GPR107: variants seen among roughly 807,000 people sequenced by gnomAD.
GPR107 encodes protein GPR107.
GPR107 carries 31 observed loss-of-function variants against 75.5 expected under a neutral mutation model. The ratio of observed to expected loss-of-function variants is 0.41; its 90% CI spans 0.31 to 0.55. GPR107 has a LOEUF of 0.55. Ranked by LOEUF, GPR107 falls within the 20% of genes least tolerant of loss-of-function variation. GPR107 has a pLI of 0.26. For synonymous variants in GPR107, 267 were observed against 251.3 expected (o/e 1.06, Z -0.59); for missense variants, 572 against 665.7 (o/e 0.86, Z 1.55).
intron 17 of GPR107, among the ~76,000 whole-genome samples, chr9:130,131,368 C>T (rs1831824047): frequency 6.6e-6 from 1 of 152,082 alleles, no homozygotes; most frequent in Non-Finnish European, 1.5e-5. Context: ...CCTACCCCAC[C>T]CTGGGCATCT....
rs771878449 is a variant in GPR107, at chr9:130,092,309, A to G, written c.791A>G (p.Lys264Arg). ...YLSAGEIPLP[K>R]LYISMAFFFF... ...TCAGCAGGAGAAATTCCTCTCCCCA[A>G]ATTATACATCTCAATGGCCTTTTTC... The change falls in exon 9 of 18, where the codon AAA (lysine) becomes AGA (arginine). Residue 264 changes from lysine (K) to arginine (R), a missense_variant. Lys to Arg is a conservative substitution (Grantham distance 26). Transcript: ENST00000347136. The G allele has an allele frequency of 8.1e-6, 13 of 1,608,900 alleles. No individual in the cohort carries two copies. Among genetic ancestry groups the G allele is most frequent in the Non-Finnish European group, 9.4e-6 (11 of 1,175,220 alleles).
intron 6 of GPR107, among the ~76,000 whole-genome samples, chr9:130,084,064 A>ATATATATATATG (rs1830556015): frequency 6.8e-6 from 1 of 147,788 alleles, no homozygotes. Flanking sequence ...ATATATATAT[A>ATATATATATATG]TATATGTACA....
In GPR107 at chr9:130,064,289, C is replaced by G. The variant is rs1413287994; in HGVS notation, c.141+10216C>G. ...CTCGGCTCACTGCAAGCTCCGCTTCCCGGGTTCACGCCATTCTCCTGCCTC... is the reference window on the plus strand; with the variant it reads ...CTCGGCTCACTGCAAGCTCCGCTTCGCGGGTTCACGCCATTCTCCTGCCTC... On this transcript the variant is annotated intron_variant, in intron 1 of 17. Transcript: ENST00000347136. Among the ~76,000 whole-genome samples the G allele has an allele frequency of 9.0e-5, 13 of 143,742 alleles. No individual in the cohort carries two copies. In the Admixed American group the frequency reaches 9.5e-4, roughly 11 times the overall value. The allele number at this position is 143,742 out of a possible 152,430, so 94.3% of individuals were successfully genotyped here.
chr9:130,116,190 G>A (rs1403069599), intron 14 of GPR107, among the ~76,000 whole-genome samples: 10 of 152,156 alleles, frequency 6.6e-5, no homozygotes, highest in Non-Finnish European at 1.3e-4. Flanking sequence ...AAAGTGTTGG[G>A]AATCTAGAAC....
chr9:130,089,931 G>A (rs1830696253), intron 7 of GPR107, among the ~76,000 whole-genome samples: 1 of 151,982 alleles, frequency 6.6e-6, no homozygotes, highest in South Asian at 2.1e-4. Flanking sequence ...CACTTATATT[G>A]AGTTTTAACA....
intron 14 of GPR107, among the ~76,000 whole-genome samples, chr9:130,120,034 C>T (rs1014393715): frequency 7.2e-5 from 11 of 152,136 alleles, no homozygotes; most frequent in African/African-American, 2.7e-4. Flanking sequence ...CTATGTTGCC[C>T]AGGCTGGTCT....
rs1330516052 is a variant in GPR107 at position 130,136,423 on chromosome 9, A to G, written c.*1302A>G. The G allele has an allele frequency of 6.6e-6, 1 of 152,226 alleles. No homozygotes were observed. Among genetic ancestry groups the G allele is most frequent in the African/African-American group, 2.4e-5 (1 of 41,456 alleles). The allele number at this position is 152,226 out of a possible 1,614,324, so 9.4% of individuals were successfully genotyped here. Reference sequence around the variant, plus strand: ...GACCAAAACATGGCCCCATCAGGGAAGCTTCTTAATGCTTGGGGGGCCAGC... The same window carrying G: ...GACCAAAACATGGCCCCATCAGGGAGGCTTCTTAATGCTTGGGGGGCCAGC... On this transcript the variant is annotated 3_prime_UTR_variant, in exon 18 of 18. Coordinates refer to ENST00000347136, the MANE Select transcript of GPR107 (RefSeq NM_020960.5).
At chr9:130,120,338 G>A (rs1831519227) in intron 14 of GPR107, among the ~76,000 whole-genome samples, 1 of 152,180 alleles carries the variant, frequency 6.6e-6, no homozygotes, top group South Asian at 2.1e-4. Context: ...CCTGAGCCTG[G>A]AGGATGTGAC....
chr9:130,075,228 T>C (rs1389558175), intron 1 of GPR107, among the ~76,000 whole-genome samples: 1 of 146,562 alleles, frequency 6.8e-6, no homozygotes, highest in Non-Finnish European at 1.5e-5. Flanking sequence ...GTTTTTCTCT[T>C]CTTTTCTTTT....
At chr9:130,118,977 G>T (rs1722462484) in intron 14 of GPR107, among the ~76,000 whole-genome samples, 1 of 152,220 alleles carries the variant, frequency 6.6e-6, no homozygotes, top group Admixed American at 6.5e-5. Context: ...CACCGTATTT[G>T]CTGCTCCTCA....
chr9:130,066,868 C>G (rs964266048), intron 1 of GPR107, among the ~76,000 whole-genome samples: 3 of 152,122 alleles, frequency 2.0e-5, no homozygotes, highest in African/African-American at 7.2e-5. Context: ...CGCCTGTAGT[C>G]CCAACTACTC....
intron 1 of GPR107, among the ~76,000 whole-genome samples, chr9:130,062,648 G>GCCTT (rs1335996975): frequency 2.9e-3 from 277 of 95,458 alleles, no homozygotes; most frequent in African/African-American, 6.1e-3. Flanking sequence ...CTGCCTGCCT[G>GCCTT]CCTGCCTGCC....
Position 130,137,680 on chromosome 9 carries a change from C to T in GPR107, c.*2559C>T, listed in dbSNP as rs573281672. The T allele has an allele frequency of 1.5e-4, 23 of 152,366 alleles. No individual in the cohort carries two copies. Among genetic ancestry groups the T allele is most frequent in the African/African-American group, 5.3e-4 (22 of 41,584 alleles). The allele number at this position is 152,366 out of a possible 1,614,324, so 9.4% of individuals were successfully genotyped here. The stretch of plus-strand genomic sequence containing the variant: ...CCTTCACGTCATAGCCGTGACCCAC[C>T]GTTCATCTCTGCTCTTGCGTAAAGA... On this transcript the variant is annotated 3_prime_UTR_variant, in exon 18 of 18. Transcript: ENST00000347136.
At chr9:130,068,596 A>AC (rs763823576) in intron 1 of GPR107, among the ~76,000 whole-genome samples, 24 of 152,054 alleles carry the variant, frequency 1.6e-4, no homozygotes, top group Non-Finnish European at 3.2e-4. Flanking sequence ...AGGTATCATT[A>AC]CTCTATTTTT....
rs191938089 is a variant in GPR107 at position 130,125,172 on chromosome 9, C to T, written c.1356+208C>T. On this transcript the variant is annotated intron_variant, in intron 15 of 17. Coordinates refer to ENST00000347136, the MANE Select transcript of GPR107 (RefSeq NM_020960.5). ...GGAGTGCAGTGGCACGATCTTCGCT[C>T]ACTGCAATCTCCACTTCCCGGGTTC... 7.5e-4 allele frequency among the ~76,000 whole-genome samples: 110 copies of T among 146,446 alleles called. 1 individual carries two copies. The Middle Eastern group carries it at 0.015, about 20-fold the overall frequency.
At chr9:130,064,284 G>A (rs1360149891) in intron 1 of GPR107, among the ~76,000 whole-genome samples, 3 of 129,138 alleles carry the variant, frequency 2.3e-5, no homozygotes, top group African/African-American at 8.9e-5. Context: ...TGCAAGCTCC[G>A]CTTCCCGGGT....
At chr9:130,097,315 G>A (rs1019393618) in intron 9 of GPR107, among the ~76,000 whole-genome samples, 6 of 151,742 alleles carry the variant, frequency 4.0e-5, no homozygotes, top group Non-Finnish European at 7.4e-5. Context: ...CGCCCATGCC[G>A]GGCTAATTTT....
At chr9:130,096,335 G>C (rs1830867750) in intron 9 of GPR107, among the ~76,000 whole-genome samples, 2 of 152,102 alleles carry the variant, frequency 1.3e-5, no homozygotes, top group African/African-American at 4.8e-5. Context: ...ATATCCCTTT[G>C]TGGTACACTC....
intron 14 of GPR107, among the ~76,000 whole-genome samples, chr9:130,111,956 A>G (rs1330596242): frequency 1.3e-5 from 2 of 151,922 alleles, no homozygotes; most frequent in African/African-American, 4.8e-5. Flanking sequence ...TGAGTCTCGC[A>G]CAGACACACC....
Sources: gnomAD v4.1 joint callset for allele counts (sites outside exome capture counted in the v4.1 genomes callset) on GRCh38, gnomAD v4.1.1 for gene constraint, MANE v1.5 for transcripts, NCBI Gene and HGNC (gene_info 2026-07-23, HGNC 2026-07-21) for gene names.